The following FOXP1 variants were observed in gnomAD, a reference collection of about 807,000 sequenced individuals.
The protein encoded by FOXP1 is forkhead box P1.
In FOXP1, 15 loss-of-function variants were observed where a neutral mutation model predicts 98.2. That is an observed-to-expected ratio of 0.15 (90% CI 0.10 to 0.24). The LOEUF is 0.24. Ranked by LOEUF, FOXP1 falls within the 10% of genes least tolerant of loss-of-function variation. The pLI is 1.00. For synonymous variants in FOXP1, 371 were observed against 314.5 expected (o/e 1.18, Z -1.90); for missense variants, 633 against 848.5 (o/e 0.75, Z 3.15).
intron 5 of FOXP1, among the ~76,000 whole-genome samples, chr3:71,291,518 G>A (rs188899571): frequency 2.0e-5 from 3 of 152,194 alleles, no homozygotes; most frequent in Admixed American, 2.0e-4. Context: ...ACAATGCCTG[G>A]CATACAGCAG....
intron 2 of FOXP1, among the ~76,000 whole-genome samples, chr3:71,564,548 T>C (rs989305300): frequency 6.6e-6 from 1 of 152,244 alleles, no homozygotes; most frequent in Non-Finnish European, 1.5e-5. Context: ...AAGTCTCTGG[T>C]TGGCCGACCT....
intron 4 of FOXP1, among the ~76,000 whole-genome samples, chr3:71,338,715 G>A (rs1477616032): frequency 5.9e-5 from 9 of 152,076 alleles, no homozygotes; most frequent in Non-Finnish European, 1.2e-4. Flanking sequence ...ACTATGCCTG[G>A]CCAATATTTT....
At chr3:70,962,144 A>G (rs2033690857) in intron 20 of FOXP1, among the ~76,000 whole-genome samples, 2 of 152,206 alleles carry the variant, frequency 1.3e-5, no homozygotes, top group South Asian at 2.1e-4. Context: ...TAAATTCAGC[A>G]GGAATGCTAT....
At chr3:71,400,388 G>A (rs1039590556) in intron 3 of FOXP1, among the ~76,000 whole-genome samples, 1 of 151,332 alleles carries the variant, frequency 6.6e-6, no homozygotes, top group Non-Finnish European at 1.5e-5. Context: ...ACAGAGTCTC[G>A]TTCTGTTGCC....
intron 7 of FOXP1, among the ~76,000 whole-genome samples, chr3:71,083,518 T>C (rs73119680): frequency 0.23 from 34,571 of 152,118 alleles, 5,074 homozygotes; most frequent in East Asian, 0.57. Flanking sequence ...GGTTCATGTA[T>C]AGATAAGTGA....
rs186606514 is a variant in FOXP1 at position 71,511,611 on chromosome 3, C to T, written c.-297-18056G>A. Among the ~76,000 whole-genome samples, 4 of 152,282 alleles carry T rather than the reference C, an allele frequency of 2.6e-5. No individual in the cohort carries two copies. In the East Asian group the frequency reaches 7.7e-4, roughly 29 times the overall value. On this transcript the variant is annotated intron_variant, in intron 2 of 20. Coordinates refer to ENST00000649528, the MANE Select transcript of FOXP1 (RefSeq NM_001349338.3). ...AATAACCAGGCCATAAAAATATGCA[C>T]TCAATTGGTGGCCCTGTATGAACAC...
At chr3:71,475,343 T>C (rs1368378342) in intron 3 of FOXP1, among the ~76,000 whole-genome samples, 1 of 152,106 alleles carries the variant, frequency 6.6e-6, no homozygotes, top group African/African-American at 2.4e-5. Flanking sequence ...AAGTAATGAT[T>C]AGCACAGAAA....
At chr3:70,974,770 C>T (rs184167989) in intron 17 of FOXP1, among the ~76,000 whole-genome samples, 46 of 152,276 alleles carry the variant, frequency 3.0e-4, no homozygotes, top group Non-Finnish European at 4.4e-5. Flanking sequence ...GCTCCTAATC[C>T]TAATCACTGC....
chr3:71,582,298 G>A, intron 1 of FOXP1: 1 of 978,260 alleles, frequency 1.0e-6, no homozygotes, highest in Non-Finnish European at 1.2e-6. Flanking sequence ...AGGGAGGCGG[G>A]AGGCGGGGGC....
chr3:71,430,290 C>G (rs563875119), intron 3 of FOXP1, among the ~76,000 whole-genome samples: 1 of 152,314 alleles, frequency 6.6e-6, no homozygotes, highest in African/African-American at 2.4e-5. Flanking sequence ...CACAGCCATG[C>G]ACACACAGTA....
chr3:71,165,484 A>G (rs2061357813), intron 6 of FOXP1, among the ~76,000 whole-genome samples: 1 of 152,184 alleles, frequency 6.6e-6, no homozygotes, highest in South Asian at 2.1e-4. Flanking sequence ...ATTTTTTCTT[A>G]GGTGTGAGAG....
At chr3:71,170,642 C>T (rs2061605071) in intron 6 of FOXP1, among the ~76,000 whole-genome samples, 1 of 152,146 alleles carries the variant, frequency 6.6e-6, no homozygotes, top group Non-Finnish European at 1.5e-5. Flanking sequence ...TTATTGCTCG[C>T]GTATTCTTAG....
intron 5 of FOXP1, among the ~76,000 whole-genome samples, chr3:71,227,804 C>A (rs1576475825): frequency 6.6e-6 from 1 of 151,348 alleles, no homozygotes; most frequent in Non-Finnish European, 1.5e-5. Context: ...AACGTATTTA[C>A]CTGCTATTCA....
intron 3 of FOXP1, among the ~76,000 whole-genome samples, chr3:71,456,463 T>C (rs1309149473): frequency 6.6e-6 from 1 of 152,192 alleles, no homozygotes; most frequent in Admixed American, 6.5e-5. Context: ...CATATACATA[T>C]TGTCAACATC....
chr3:71,146,293 G>A (rs919869678), intron 6 of FOXP1, among the ~76,000 whole-genome samples: 3 of 152,088 alleles, frequency 2.0e-5, no homozygotes, highest in African/African-American at 4.8e-5. Flanking sequence ...GCAAGATAAG[G>A]AAAATTAATT....
chr3:71,124,652 A>AG (rs2059028065), intron 6 of FOXP1, among the ~76,000 whole-genome samples: 1 of 130,998 alleles, frequency 7.6e-6, no homozygotes, highest in Non-Finnish European at 1.7e-5. Context: ...TCAAAAAAAA[A>AG]AAGAAAAAAA....
rs183783161 is a variant in FOXP1, at chr3:71,520,129, A to C, written c.-297-26574T>G. Among the ~76,000 whole-genome samples, 408 of 152,306 alleles carry C rather than the reference A, an allele frequency of 2.7e-3. 1 individual carries two copies. The highest frequency in any genetic ancestry group is 5.0e-3 in the Non-Finnish European group (341 of 68,010). On this transcript the variant is annotated intron_variant, in intron 2 of 20. Coordinates refer to ENST00000649528, the MANE Select transcript of FOXP1 (RefSeq NM_001349338.3). ...CCCTATTAACTCCATGCATCTCCCC[A>C]ATTATCTTGGGACATTTCTTCATCT...
intron 2 of FOXP1, among the ~76,000 whole-genome samples, chr3:71,526,707 C>A (rs190392159): frequency 2.2e-4 from 33 of 152,292 alleles, no homozygotes; most frequent in Admixed American, 2.0e-3. Context: ...GTGGCTCACG[C>A]CTATAATCCC....
intron 6 of FOXP1, among the ~76,000 whole-genome samples, chr3:71,175,248 T>C (rs1363019538): frequency 6.6e-6 from 1 of 152,204 alleles, no homozygotes; most frequent in African/African-American, 2.4e-5. Flanking sequence ...GGGGCAAATA[T>C]GTAAGCCACC....
Sources: allele counts gnomAD v4.1 joint callset (sites outside exome capture counted in the v4.1 genomes callset), GRCh38; gene constraint gnomAD v4.1.1; transcripts MANE v1.5; gene names NCBI Gene and HGNC (gene_info 2026-07-23, HGNC 2026-07-21).